Variants in ME1 observed in about 807,000 individuals in gnomAD.
ME1 encodes malic enzyme 1.
ME1 carries 74 observed loss-of-function variants against 66.4 expected under a neutral mutation model. The ratio of observed to expected loss-of-function variants is 1.11; its 90% CI spans 0.92 to 1.35. The LOEUF (loss-of-function observed/expected upper bound fraction) is 1.35. Among genes scored for constraint, ME1 ranks in the 40% most tolerant of loss-of-function variants. ME1 has a pLI of 0.00. For missense variants in ME1, 750 were observed against 694.1 expected (o/e 1.08, Z -0.90); for synonymous variants, 251 against 235.6 (o/e 1.07, Z -0.60).
At chr6:83,298,531 T>G (rs570327622) in intron 6 of ME1, among the ~76,000 whole-genome samples, 2 of 152,332 alleles carry the variant, frequency 1.3e-5, no homozygotes, top group Middle Eastern at 3.4e-3. Flanking sequence ...TTTACTCTGA[T>G]GATAGTTTCT....
intron 9 of ME1, among the ~76,000 whole-genome samples, chr6:83,232,799 A>T (rs1790329651): frequency 6.6e-6 from 1 of 152,200 alleles, no homozygotes; most frequent in Non-Finnish European, 1.5e-5. Context: ...GGAATGAAAT[A>T]ACTATATTGT....
chr6:83,218,450 A>G (rs550882485), intron 12 of ME1, among the ~76,000 whole-genome samples: 2 of 152,330 alleles, frequency 1.3e-5, no homozygotes, highest in African/African-American at 2.4e-5. Context: ...TGTGTACTTA[A>G]GCAGAGAAGA....
chr6:83,393,373 G>C (rs1337979523), intron 3 of ME1: 5 of 807,118 alleles, frequency 6.2e-6, no homozygotes, highest in Non-Finnish European at 1.0e-5. Flanking sequence ...CAACAGGGTG[G>C]TGGACCTCTG....
chr6:83,309,495 A>G (rs574001718), intron 6 of ME1, among the ~76,000 whole-genome samples: 24 of 152,234 alleles, frequency 1.6e-4, no homozygotes, highest in Admixed American at 8.5e-4. Context: ...GTTGTCATTT[A>G]CTGAGATGGG....
intron 7 of ME1, among the ~76,000 whole-genome samples, chr6:83,249,048 T>C (rs541461319): frequency 3.9e-5 from 6 of 152,184 alleles, no homozygotes; most frequent in African/African-American, 1.4e-4. Context: ...ATCTTTGTCA[T>C]GAAAATTGGC....
Position 83,280,307 on chromosome 6 carries a change from G to T in ME1, c.705-26569C>A, listed in dbSNP as rs12660638. Among the ~76,000 whole-genome samples the T allele has an allele frequency of 1.8e-3, 272 of 152,122 alleles. 4 individuals are homozygous for T. In the East Asian group the frequency reaches 0.041, roughly 23 times the overall value. On this transcript the variant is annotated intron_variant, in intron 6 of 13. Transcript: ENST00000369705. ...CCATAATTATAGTTTATGGACAAGT[G>T]AAACAAATGAAAGCAATGTGACAAG... is the stretch of plus-strand genomic sequence containing the variant.
chr6:83,261,183 G>A (rs1766880547), intron 6 of ME1, among the ~76,000 whole-genome samples: 1 of 152,052 alleles, frequency 6.6e-6, no homozygotes, highest in Non-Finnish European at 1.5e-5. Flanking sequence ...TCTCATTATG[G>A]TTTAGATTTG....
chr6:83,379,021 C>G (rs1007725017), intron 3 of ME1, among the ~76,000 whole-genome samples: 21 of 152,076 alleles, frequency 1.4e-4, no homozygotes, highest in African/African-American at 4.8e-4. Flanking sequence ...TAGAAATGCT[C>G]TAATTACTTC....
At chr6:83,430,853 G>A (rs1770472729) in intron 1 of ME1, 24 bp downstream of exon 1, 15 of 1,580,982 alleles carry the variant, frequency 9.5e-6, no homozygotes, top group Non-Finnish European at 1.3e-5. Flanking sequence ...GCCGATGGGC[G>A]GCCAGGTGGG....
At chr6:83,341,047 A>G (rs1276587075) in intron 5 of ME1, among the ~76,000 whole-genome samples, 1 of 152,034 alleles carries the variant, frequency 6.6e-6, no homozygotes, top group Non-Finnish European at 1.5e-5. Context: ...GCCATGCCAG[A>G]AAGACTAACC....
intron 3 of ME1, among the ~76,000 whole-genome samples, chr6:83,389,354 C>T (rs190085776): frequency 1.3e-5 from 2 of 152,080 alleles, no homozygotes; most frequent in Admixed American, 6.6e-5. Flanking sequence ...TAATTGAACA[C>T]CAACCAGGCA....
rs150997301 is a variant in ME1 at position 83,325,166 on chromosome 6, C to G, written c.601-9753G>C. ...AAGGCCTTCAATAAAATTCAACAAC[C>G]CTTCATGCTAAAAACACTCAATAAA... On this transcript the variant is annotated intron_variant, in intron 5 of 13. Coordinates refer to ENST00000369705, the MANE Select transcript of ME1 (RefSeq NM_002395.6). Among the ~76,000 whole-genome samples the G allele has an allele frequency of 2.8e-3, 425 of 152,216 alleles. 11 individuals carry two copies. In the East Asian group the frequency reaches 0.066, roughly 24 times the overall value.
At position 83,281,851 on chromosome 6, in the gene ME1, AAGAGAAAAAAAAAAAG is replaced by A. The variant is rs1359587568; in HGVS notation, c.705-28129_705-28114del. On this transcript the variant is annotated intron_variant, in intron 6 of 13. Transcript: ENST00000369705. ...AAAAAAAAAAGAAAAGAAAACAAAA[AAGAGAAAAAAAAAAAG>A]AGAGAAAAAAACAGAAAACCAAACA... Among the ~76,000 whole-genome samples, 12 of 132,168 alleles carry A rather than the reference AAGAGAAAAAAAAAAAG, an allele frequency of 9.1e-5. 1 individual carries two copies. In the South Asian group the frequency reaches 1.6e-3, roughly 17 times the overall value. 86.7% of individuals were successfully genotyped at this position (132,168 alleles called of 152,430 possible).
intron 7 of ME1, among the ~76,000 whole-genome samples, chr6:83,247,994 G>A (rs1182516062): frequency 6.6e-6 from 1 of 152,042 alleles, no homozygotes. Flanking sequence ...ACCTGCTTGG[G>A]GGGCATATTA....
chr6:83,400,041 T>A (rs1206239142), intron 2 of ME1, among the ~76,000 whole-genome samples: 1 of 152,224 alleles, frequency 6.6e-6, no homozygotes, highest in Non-Finnish European at 1.5e-5. Flanking sequence ...ATACACTTTC[T>A]TTCATTGACT....
At chr6:83,305,417 G>A (rs1403337253) in intron 6 of ME1, among the ~76,000 whole-genome samples, 1 of 152,146 alleles carries the variant, frequency 6.6e-6, no homozygotes, top group Non-Finnish European at 1.5e-5. Flanking sequence ...ACAGGTTTCA[G>A]TATTACATAG....
intron 6 of ME1, among the ~76,000 whole-genome samples, chr6:83,256,151 C>T (rs1315852973): frequency 6.6e-6 from 1 of 152,056 alleles, no homozygotes; most frequent in Non-Finnish European, 1.5e-5. Flanking sequence ...CTGTTCTGTG[C>T]CTCTGATTTC....
At chr6:83,238,538 T>A (rs1178968562) in intron 8 of ME1, among the ~76,000 whole-genome samples, 1 of 152,088 alleles carries the variant, frequency 6.6e-6, no homozygotes, top group Non-Finnish European at 1.5e-5. Flanking sequence ...CATGTAATAA[T>A]CCGCAAAATA....
Position 83,210,831 on chromosome 6 carries a change from A to ATAAC in ME1, c.*1089_*1092dup, listed in dbSNP as rs1327462675. On this transcript the variant is annotated 3_prime_UTR_variant, in exon 14 of 14. Transcript: ENST00000369705. Reference sequence around the variant, plus strand: ...AAGTAAATTAATACAGTCTGGGCATATAACTACTCTTTCTCATAGAATGGT... The same window carrying ATAAC: ...AAGTAAATTAATACAGTCTGGGCATATAACTAACTACTCTTTCTCATAGAATGGT... 10 of 152,226 alleles carry ATAAC rather than the reference A, an allele frequency of 6.6e-5. No individual in the cohort carries two copies. Among genetic ancestry groups the ATAAC allele is most frequent in the Admixed American group, 5.9e-4 (9 of 15,280 alleles). The allele number at this position is 152,226 out of a possible 1,614,324, so 9.4% of individuals were successfully genotyped here.
Sources: allele counts gnomAD v4.1 joint callset (sites outside exome capture counted in the v4.1 genomes callset), GRCh38; gene constraint gnomAD v4.1.1; transcripts MANE v1.5; gene names NCBI Gene and HGNC (gene_info 2026-07-23, HGNC 2026-07-21).